Variants in SAMD3 observed in about 807,000 individuals in gnomAD.
The protein encoded by SAMD3 is sterile alpha motif domain-containing protein 3.
SAMD3 carries 63 observed loss-of-function variants against 58.5 expected under a neutral mutation model. The observed-to-expected ratio is 1.08, with a 90% CI of 0.88 to 1.33. The LOEUF (loss-of-function observed/expected upper bound fraction) is 1.33. Among genes scored for constraint, SAMD3 ranks in the 40% most tolerant of loss-of-function variants. The pLI is 0.00. For synonymous variants in SAMD3, 220 were observed against 210.3 expected, an observed-to-expected ratio of 1.05 and a Z score of -0.40; for missense variants, 604 against 608.4, an observed-to-expected ratio of 0.99 and a Z score of 0.08.
chr6:130,257,543 C>T (rs1449833898), intron 2 of SAMD3, among the ~76,000 whole-genome samples: 1 of 152,124 alleles, frequency 6.6e-6, no homozygotes, highest in Non-Finnish European at 1.5e-5. Flanking sequence ...AATTCCCTAT[C>T]CCTCAATTAC....
At chr6:130,190,475 G>A (rs1290331982) in intron 5 of SAMD3, among the ~76,000 whole-genome samples, 1 of 151,956 alleles carries the variant, frequency 6.6e-6, no homozygotes, top group Non-Finnish European at 1.5e-5. Context: ...TGAAATGATA[G>A]GAAAATTTAG....
At chr6:130,239,732 C>A (rs978812623) in intron 2 of SAMD3, among the ~76,000 whole-genome samples, 1 of 152,124 alleles carries the variant, frequency 6.6e-6, no homozygotes, top group Non-Finnish European at 1.5e-5. Flanking sequence ...AAAACACAAA[C>A]CTTTATCAGT....
chr6:130,258,751 T>C (rs1774011013), intron 2 of SAMD3, among the ~76,000 whole-genome samples: 1 of 152,190 alleles, frequency 6.6e-6, no homozygotes. Context: ...AAATATACTT[T>C]TAGAATTTTA....
chr6:130,154,356 C>A (rs115121488), intron 9 of SAMD3, among the ~76,000 whole-genome samples: 2,016 of 151,778 alleles, frequency 0.013, 45 homozygotes, highest in African/African-American at 0.046. Flanking sequence ...TCACACCCCA[C>A]TGAGATTCAC....
intron 8 of SAMD3, among the ~76,000 whole-genome samples, chr6:130,173,234 A>G (rs1791410186): frequency 6.6e-6 from 1 of 152,146 alleles, no homozygotes; most frequent in Non-Finnish European, 1.5e-5. Context: ...CTTGTTGGAA[A>G]GGAGTTGCTG....
At chr6:130,345,140 G>C (rs965349291) in intron 1 of SAMD3, among the ~76,000 whole-genome samples, 1 of 152,188 alleles carries the variant, frequency 6.6e-6, no homozygotes, top group African/African-American at 2.4e-5. Flanking sequence ...GTGTGGAGTT[G>C]AGCTGAATTT....
chr6:130,296,803 C>T lies in SAMD3; in HGVS notation c.-188+16175G>A, dbSNP rs533636787. On this transcript the variant is annotated intron_variant, in intron 2 of 13. Coordinates refer to the SAMD3 transcript ENST00000368134. ...CTCAGAGGGGTGTGTCCAGGGCCTG[C>T]AGCCACACTGTGGTGGGGAACCAAA... Among the ~76,000 whole-genome samples the T allele has an allele frequency of 2.6e-5, 4 of 152,250 alleles. No individual in the cohort carries two copies. The South Asian group carries it at 8.3e-4, about 32-fold the overall frequency.
chr6:130,243,454 T>G (rs1773433622), intron 2 of SAMD3, among the ~76,000 whole-genome samples: 1 of 152,184 alleles, frequency 6.6e-6, no homozygotes, highest in Non-Finnish European at 1.5e-5. Flanking sequence ...GAATTGGAAC[T>G]GACATCTAAA....
chr6:130,279,891 C>G (rs1394732870), intron 2 of SAMD3, among the ~76,000 whole-genome samples: 2 of 152,024 alleles, frequency 1.3e-5, no homozygotes, highest in African/African-American at 4.8e-5. Flanking sequence ...AAATAAAAAG[C>G]AGTCTTTATT....
chr6:130,189,678 C>T (rs1239309950), intron 5 of SAMD3, among the ~76,000 whole-genome samples: 1 of 152,218 alleles, frequency 6.6e-6, no homozygotes, highest in Non-Finnish European at 1.5e-5. Flanking sequence ...GTATTCGCCA[C>T]TCAAATGTGG....
At position 130,165,617 on chromosome 6, in the gene SAMD3, C is replaced by T. The variant is rs112617142; in HGVS notation, c.822+10224G>A. Among the ~76,000 whole-genome samples, 210 of 152,172 alleles carry T rather than the reference C, an allele frequency of 1.4e-3. 2 individuals are homozygous for T. The highest frequency in any genetic ancestry group is 4.7e-3 in the African/African-American group (195 of 41,538). The stretch of plus-strand genomic sequence containing the variant: ...AAGAGCTAGACACCTATACAGTACA[C>T]ATCAAAATTTTTTCAGAAAATTTCT... On this transcript the variant is annotated intron_variant, in intron 8 of 11. Coordinates refer to ENST00000439090, the MANE Select transcript of SAMD3 (RefSeq NM_001017373.4).
At chr6:130,322,886 A>T (rs1562522153) in intron 1 of SAMD3, among the ~76,000 whole-genome samples, 1 of 152,296 alleles carries the variant, frequency 6.6e-6, no homozygotes, top group Middle Eastern at 3.4e-3. Flanking sequence ...TATGGGAGTG[A>T]TTTGCTGGTT....
At chr6:130,315,246 A>G (rs1370303336) in intron 1 of SAMD3, among the ~76,000 whole-genome samples, 3 of 152,216 alleles carry the variant, frequency 2.0e-5, no homozygotes, top group African/African-American at 7.2e-5. Context: ...TCATGTAAAT[A>G]TATATATTTC....
downstream of SAMD3, chr6:130,142,780 G>A (rs1788343310): frequency 6.6e-6 from 1 of 152,226 alleles, no homozygotes; most frequent in African/African-American, 2.4e-5. Context: ...CCTGAGAGAG[G>A]CTGTCATTCA....
chr6:130,279,487 CTTT>C (rs397886882), intron 2 of SAMD3, among the ~76,000 whole-genome samples: 66 of 123,344 alleles, frequency 5.4e-4, no homozygotes, highest in African/African-American at 8.1e-4. Flanking sequence ...TCAATTAAAC[CTTT>C]TTTTTTTTTT....
intron 8 of SAMD3, among the ~76,000 whole-genome samples, chr6:130,174,433 C>A (rs1370057791): frequency 6.6e-6 from 1 of 152,196 alleles, no homozygotes; most frequent in South Asian, 2.1e-4. Context: ...TGGCTCCTTG[C>A]AATTCCCAGG....
chr6:130,264,070 A>G (rs925641593), intron 2 of SAMD3, among the ~76,000 whole-genome samples: 7 of 152,248 alleles, frequency 4.6e-5, no homozygotes, highest in Non-Finnish European at 8.8e-5. Context: ...CAAATATTCC[A>G]TCTGCATGTT....
rs370463894 is a variant in SAMD3 at position 130,184,150 on chromosome 6, C to A, written c.607G>T (p.Ala203Ser). ...AGGAAAGGGTGGGCCTGCAGCAGGGCATTAACCACGTCATTGTACTGCTGG... is the reference window on the plus strand; with the variant it reads ...AGGAAAGGGTGGGCCTGCAGCAGGGAATTAACCACGTCATTGTACTGCTGG... Reference protein sequence around the residue: ...STQQYNDVVNALLQAHPFLDE... With the variant: ...STQQYNDVVNSLLQAHPFLDE... Residue 203 changes from alanine to serine, a missense_variant, in exon 7 of 12, where the codon GCC becomes TCC. Coordinates refer to ENST00000439090, the MANE Select transcript of SAMD3 (RefSeq NM_001017373.4). 6.2e-7 allele frequency: 1 copy of A among 1,613,908 alleles called. No homozygotes were observed. Among genetic ancestry groups the A allele is most frequent in the African/African-American group, 1.3e-5 (1 of 74,922 alleles).
intron 2 of SAMD3, among the ~76,000 whole-genome samples, chr6:130,266,646 G>A (rs186564729): frequency 6.5e-4 from 99 of 152,284 alleles, no homozygotes; most frequent in African/African-American, 2.4e-3. Flanking sequence ...CACCGGGACT[G>A]GACAGCCCCC....
Sources: gnomAD v4.1 joint callset for allele counts (sites outside exome capture counted in the v4.1 genomes callset) on GRCh38, gnomAD v4.1.1 for gene constraint, MANE v1.5 for transcripts, NCBI Gene and HGNC (gene_info 2026-07-23, HGNC 2026-07-21) for gene names.